Variants in PCLO observed in about 807,000 individuals in gnomAD.
PCLO encodes piccolo presynaptic cytomatrix protein.
Under a neutral mutation model 427.5 loss-of-function variants are expected in PCLO, and 82 were observed. That is an observed-to-expected ratio of 0.19 (90% CI 0.16 to 0.23). The LOEUF is 0.23. PCLO is among the 10% of genes least tolerant of loss of function. The pLI is 1.00. For missense variants in PCLO, 6,239 were observed against 6,115.9 expected (o/e 1.02, Z -0.67); for synonymous variants, 2,357 against 2,155.4 (o/e 1.09, Z -2.59).
At chr7:83,154,203 T>C (rs1792208208) in intron 2 of PCLO, among the ~76,000 whole-genome samples, 1 of 152,220 alleles carries the variant, frequency 6.6e-6, no homozygotes, top group Non-Finnish European at 1.5e-5. Context: ...AACTTCTTCA[T>C]TTTGTGAAAT....
At position 82,956,560 on chromosome 7, in the gene PCLO, C is replaced by T; in HGVS notation, c.4393G>A (p.Glu1465Lys). The T allele has an allele frequency of 1.9e-6, 3 of 1,612,750 alleles. No individual in the cohort carries two copies. Among genetic ancestry groups the T allele is most frequent in the South Asian group, 2.2e-5 (2 of 90,914 alleles). ...TCTTGACTCTCTTTGATCTCCTCTTCTGAAATAGTAATTTCCAAGGTTTCA... is the reference window on the plus strand; with the variant it reads ...TCTTGACTCTCTTTGATCTCCTCTTTTGAAATAGTAATTTCCAAGGTTTCA... ...LSETLEITIS[E>K]EEIKESQEER... The change falls in exon 5 of 25, where the codon GAA becomes AAA. Residue 1465 changes from glutamate to lysine, a missense_variant. Physicochemically the swap from Glu to Lys is moderately conservative, Grantham distance 56. This residue lies in a region of PCLO where 4,677 missense variants were observed against 4,468.4 expected (regional missense o/e 1.05). Transcript: ENST00000333891.
intron 22 of PCLO, among the ~76,000 whole-genome samples, chr7:82,779,276 C>T (rs886799573): frequency 6.6e-6 from 1 of 151,996 alleles, no homozygotes; most frequent in Non-Finnish European, 1.5e-5. Context: ...TTGATTTTTT[C>T]TCTTTGTCTG....
At chr7:83,058,681 A>G (rs1048554752) in intron 3 of PCLO, among the ~76,000 whole-genome samples, 4 of 151,952 alleles carry the variant, frequency 2.6e-5, no homozygotes, top group African/African-American at 9.7e-5. Context: ...CCCATTTTTT[A>G]GGTAAGGAAT....
In PCLO at chr7:82,785,669, G is replaced by C. The variant is rs112103193; in HGVS notation, c.15007+15849C>G. The stretch of plus-strand genomic sequence containing the variant: ...CTTCCTTAACAGAGCCAGATGGAGA[G>C]CGCCCACAGATAGGTTCTTGAAAAA... On this transcript the variant is annotated intron_variant, in intron 22 of 24. Coordinates refer to ENST00000333891, the MANE Select transcript of PCLO (RefSeq NM_033026.6). Among the ~76,000 whole-genome samples the C allele has an allele frequency of 8.7e-3, 1,324 of 152,182 alleles. 19 individuals carry two copies. Among genetic ancestry groups the C allele is most frequent in the African/African-American group, 0.027 (1,139 of 41,526 alleles).
At chr7:83,061,103 C>T (rs936744230) in intron 3 of PCLO, among the ~76,000 whole-genome samples, 2 of 152,056 alleles carry the variant, frequency 1.3e-5, no homozygotes, top group Admixed American at 1.3e-4. Context: ...AATTTTTCAT[C>T]CTGTTTCTGG....
intron 3 of PCLO, among the ~76,000 whole-genome samples, chr7:83,003,998 G>A (rs1218396658): frequency 6.6e-6 from 1 of 151,130 alleles, no homozygotes; most frequent in Non-Finnish European, 1.5e-5. Context: ...TTGGGAAATT[G>A]TTTATTGCTG....
rs1270962050 is a variant in PCLO, at chr7:83,123,515, G to C, written c.3300+10735C>G. Reference sequence around the variant, plus strand: ...AATTAAATCTAAGATCTGAAACTATGAATCTACCAGAAGAAAGCATTAGGG... The same window carrying C: ...AATTAAATCTAAGATCTGAAACTATCAATCTACCAGAAGAAAGCATTAGGG... On this transcript the variant is annotated intron_variant, in intron 3 of 24. Transcript: ENST00000333891. Among the ~76,000 whole-genome samples, 5 of 152,206 alleles carry C rather than the reference G, an allele frequency of 3.3e-5. No homozygotes were observed. The East Asian group carries it at 9.7e-4, about 29-fold the overall frequency.
chr7:83,020,197 A>G (rs768705743), intron 3 of PCLO, among the ~76,000 whole-genome samples: 118 of 152,114 alleles, frequency 7.8e-4, no homozygotes, highest in Non-Finnish European at 1.5e-3. Flanking sequence ...AAGTGTTTAT[A>G]TTATTAATTG....
chr7:83,013,890 A>G (rs1171024471), intron 3 of PCLO, among the ~76,000 whole-genome samples: 1 of 152,180 alleles, frequency 6.6e-6, no homozygotes, highest in Non-Finnish European at 1.5e-5. Flanking sequence ...ATTCTTTGTT[A>G]TTAAACAAAA....
chr7:82,832,755 T>C (rs1198342965), intron 16 of PCLO, among the ~76,000 whole-genome samples: 1 of 151,354 alleles, frequency 6.6e-6, no homozygotes, highest in African/African-American at 2.4e-5. Context: ...ACATTGAAAG[T>C]ATTCATTTTT....
At chr7:82,815,877 G>A (rs553855419) in intron 20 of PCLO, among the ~76,000 whole-genome samples, 1 of 152,126 alleles carries the variant, frequency 6.6e-6, no homozygotes, top group East Asian at 1.9e-4. Context: ...ATACTTTTCA[G>A]TATCTAAAAC....
At chr7:82,817,408 G>A (rs549677166) in intron 20 of PCLO, among the ~76,000 whole-genome samples, 1 of 152,030 alleles carries the variant, frequency 6.6e-6, no homozygotes, top group Non-Finnish European at 1.5e-5. Context: ...CAGAAACAGG[G>A]AAGGCTAAAT....
chr7:82,941,120 C>A (rs986090398), intron 6 of PCLO, among the ~76,000 whole-genome samples: 1 of 150,906 alleles, frequency 6.6e-6, no homozygotes, highest in Admixed American at 6.6e-5. Flanking sequence ...AATTTGGATT[C>A]TTTGCAACTT....
chr7:82,812,708 T>C lies in PCLO; in HGVS notation c.14792-6879A>G, dbSNP rs560064780. Among the ~76,000 whole-genome samples, 244 of 151,750 alleles carry C rather than the reference T, an allele frequency of 1.6e-3. 2 individuals are homozygous for C. Among genetic ancestry groups the C allele is most frequent in the Middle Eastern group, 3.4e-3 (1 of 294 alleles). ...AATGCAAATACAATAATGATCTTTA[T>C]CTTTAAAAGATTAATAGCATGGGGG... On this transcript the variant is annotated intron_variant, in intron 20 of 24. Coordinates refer to ENST00000333891, the MANE Select transcript of PCLO (RefSeq NM_033026.6).
chr7:83,090,086 C>T (rs1479029859), intron 3 of PCLO, among the ~76,000 whole-genome samples: 9 of 152,188 alleles, frequency 5.9e-5, no homozygotes, highest in African/African-American at 1.9e-4. Context: ...GGACGGATCA[C>T]GAGGTCAAGA....
At chr7:82,914,343 A>C (rs1428657344) in intron 7 of PCLO, 2 of 473,750 alleles carry the variant, frequency 4.2e-6, no homozygotes, top group Non-Finnish European at 7.3e-6. Context: ...AAAATGAAAG[A>C]AACTTACAAT....
intron 2 of PCLO, among the ~76,000 whole-genome samples, chr7:83,139,237 T>C (rs1791804991): frequency 6.6e-6 from 1 of 152,160 alleles, no homozygotes; most frequent in Non-Finnish European, 1.5e-5. Context: ...AAGAACTGAA[T>C]AAATATTCTA....
intron 3 of PCLO, among the ~76,000 whole-genome samples, chr7:83,038,137 ACACT>A (rs1262845983): frequency 1.6e-5 from 2 of 128,528 alleles, no homozygotes; most frequent in Non-Finnish European, 3.2e-5. Context: ...ACACATACAC[ACACT>A]CATATATACA....
rs369884990 is a variant in PCLO at position 83,138,397 on chromosome 7, A to G, written c.1894-2741T>C. 3.3e-5 allele frequency among the ~76,000 whole-genome samples: 5 copies of G among 152,312 alleles called. No homozygotes were observed. In the South Asian group the frequency reaches 6.2e-4, roughly 19 times the overall value. On this transcript the variant is annotated intron_variant, in intron 2 of 24. Coordinates refer to ENST00000333891, the MANE Select transcript of PCLO (RefSeq NM_033026.6). The stretch of plus-strand genomic sequence containing the variant: ...AAAATCATGCCGGGCGCTGTGGCTC[A>G]GGCCTGTAATCCCAGCACTTTGGAA...
Sources: allele counts gnomAD v4.1 joint callset (sites outside exome capture counted in the v4.1 genomes callset), GRCh38; gene constraint gnomAD v4.1.1; regional missense constraint gnomAD v4.1.1; transcripts MANE v1.5; gene names NCBI Gene and HGNC (gene_info 2026-07-23, HGNC 2026-07-21).